GBGT1: variants seen among roughly 807,000 people sequenced by gnomAD.
The protein encoded by GBGT1 is globoside alpha-1,3-N-acetylgalactosaminyltransferase 1 (FORS blood group), also known as globoside alpha-1,3-N-acetylgalactosaminyltransferase 1.
A neutral mutation model predicts 20.9 loss-of-function variants in GBGT1; 18 were observed. The ratio of observed to expected loss-of-function variants is 0.86; its 90% CI spans 0.60 to 1.28. The LOEUF (loss-of-function observed/expected upper bound fraction) is 1.28, where lower values mean the gene tolerates loss of function less well. Ranked by LOEUF, GBGT1 falls within the 50% of genes most tolerant of loss-of-function variation. The pLI is 0.00. For synonymous variants in GBGT1, 168 were observed against 180.8 expected (o/e 0.93, Z 0.57); for missense variants, 432 against 455.7 (o/e 0.95, Z 0.47).
At chr9:133,163,466 G>A (rs1159243303) in intron 1 of GBGT1, 1 of 152,386 alleles carries the variant, frequency 6.6e-6, no homozygotes, top group Non-Finnish European at 1.5e-5. Flanking sequence ...CGGGGTCCTG[G>A]GGATTAGGCC....
In GBGT1 at chr9:133,154,820, G is replaced by A. The variant is rs1832821833; in HGVS notation, c.359+358C>T. On this transcript the variant is annotated intron_variant, in intron 6 of 6. Transcript: ENST00000372040. This position sits in a 1 kb window ranked among gnomAD's most constrained non-coding sequence, Gnocchi z 4.2. Reference sequence around the variant, plus strand: ...CAGGAAGGAGTCCCAGAGGCCCAGAGGAAGGCTGCCAAGCGGCAGCTCCTA... The same window carrying A: ...CAGGAAGGAGTCCCAGAGGCCCAGAAGAAGGCTGCCAAGCGGCAGCTCCTA... The A allele has an allele frequency of 4.6e-6, 1 of 217,330 alleles. No individual in the cohort carries two copies. The highest frequency in any genetic ancestry group is 9.1e-6 in the Non-Finnish European group (1 of 109,864). 13.5% of individuals were successfully genotyped at this position (217,330 alleles called of 1,614,324 possible). A position where few individuals can be genotyped will look rare whatever the true frequency, so the allele number is the denominator to read the frequency against.
At chr9:133,157,071 C>T (rs1455094206) in intron 3 of GBGT1, among the ~76,000 whole-genome samples, 6 of 152,072 alleles carry the variant, frequency 3.9e-5, no homozygotes, top group African/African-American at 1.2e-4. Flanking sequence ...AGCGCTTGAG[C>T]CCAGTAGTTC....
In GBGT1 at chr9:133,155,317, C is replaced by T; in HGVS notation, c.225-5G>A. 2 of 1,613,836 alleles carry T rather than the reference C, an allele frequency of 1.2e-6. No homozygotes were observed. Among genetic ancestry groups the T allele is most frequent in the Non-Finnish European group, 1.7e-6 (2 of 1,179,956 alleles). On this transcript the variant is annotated splice_region_variant and splice_polypyrimidine_tract_variant and intron_variant, in intron 5 of 6. Transcript: ENST00000372040. ...AGTGTCAGCAGCTGTGTGGGCCTGG[C>T]AGCAGGGGGGCCGTGGGCACTGAGA... is the stretch of plus-strand genomic sequence containing the variant.
In GBGT1 at chr9:133,154,499, T is replaced by C; in HGVS notation, c.360-238A>G. On this transcript the variant is annotated intron_variant, in intron 6 of 6. Transcript: ENST00000372040. This position sits in a 1 kb window ranked among gnomAD's most constrained non-coding sequence, Gnocchi z 4.2. ...TTATGCTCCTAGGCCAGGTGAACTT[T>C]TACTGAGCAATTTCTAAGTGCCCAG... is the stretch of plus-strand genomic sequence containing the variant. The C allele has an allele frequency of 2.5e-6, 1 of 392,294 alleles. No homozygotes were observed. The highest frequency in any genetic ancestry group is 4.5e-6 in the Non-Finnish European group (1 of 220,346). 24.3% of individuals were successfully genotyped at this position (392,294 alleles called of 1,614,324 possible).
chr9:133,159,441 G>A (rs937836557), intron 3 of GBGT1, among the ~76,000 whole-genome samples: 6 of 152,152 alleles, frequency 3.9e-5, no homozygotes, highest in African/African-American at 1.2e-4. Flanking sequence ...CCCTGGCAGC[G>A]AGCTCCTCTT....
At chr9:133,156,442 A>ACAAGGCCAGGAGTT (rs1488231742) in intron 3 of GBGT1, among the ~76,000 whole-genome samples, 2 of 152,158 alleles carry the variant, frequency 1.3e-5, no homozygotes, top group East Asian at 3.9e-4. Context: ...CGGGTGGATC[A>ACAAGGCCAGGAGTT]CAAGGCCAGG....
Position 133,163,544 on chromosome 9 carries a change from T to C in GBGT1, c.-121+210A>G, listed in dbSNP as rs10901238. On this transcript the variant is annotated intron_variant, in intron 1 of 6. Coordinates refer to ENST00000372040, the MANE Select transcript of GBGT1 (RefSeq NM_021996.6). ...TCCTCTGGGGCCTCAGTTTCCCCACTCGGGCCTCCAAGCCCCGTCTCGCCC... is the reference window on the plus strand; with the variant it reads ...TCCTCTGGGGCCTCAGTTTCCCCACCCGGGCCTCCAAGCCCCGTCTCGCCC... 0.25 allele frequency: 37,534 copies of C among 152,724 alleles called. 5,203 individuals carry two copies. The highest frequency in any genetic ancestry group is 0.55 in the East Asian group (2,855 of 5,150). The allele number at this position is 152,724 out of a possible 1,614,324, so 9.5% of individuals were successfully genotyped here. A position where few individuals can be genotyped will look rare whatever the true frequency, so the allele number is the denominator to read the frequency against.
In GBGT1 at chr9:133,153,620, C is replaced by A; in HGVS notation, c.1001G>T (p.Arg334Leu). The A allele has an allele frequency of 6.3e-7, 1 of 1,589,660 alleles. No homozygotes were observed. The highest frequency in any genetic ancestry group is 1.1e-5 in the South Asian group (1 of 87,278). Residue 334 changes from arginine to leucine, a missense_variant, in exon 7 of 7, where the codon CGC becomes CTC. Coordinates refer to ENST00000372040, the MANE Select transcript of GBGT1 (RefSeq NM_021996.6). ...KPQPPSLKLI[R>L]FSTLDKDISC... is the part of the protein sequence containing the mutation. ...GATATCCTTGTCCAGTGTAGAAAAG[C>A]GGATCAGCTTCAGGCTGGGTGGCTG...
chr9:133,156,118 C>T lies in GBGT1; in HGVS notation c.138-53G>A, dbSNP rs769567147. ...CATCATGGGTCTGGGGACAGAGACA[C>T]TCAGCACAGGAAGAAGGAGGAGTCA... On this transcript the variant is annotated intron_variant, in intron 3 of 6. Transcript: ENST00000372040. The T allele has an allele frequency of 1.9e-6, 3 of 1,603,368 alleles. No individual in the cohort carries two copies. In the Admixed American group the frequency reaches 5.1e-5, roughly 27 times the overall value.
In GBGT1 at chr9:133,155,189, A is replaced by C; in HGVS notation, c.348T>G (p.Phe116Leu). The C allele has an allele frequency of 6.2e-7, 1 of 1,613,912 alleles. No homozygotes were observed. The highest frequency in any genetic ancestry group is 8.5e-7 in the Non-Finnish European group (1 of 1,179,872). The change falls in exon 6 of 7, where the codon TTT becomes TTG. Residue 116 changes from phenylalanine to leucine, a missense_variant. Phe to Leu is a conservative substitution (Grantham distance 22). Transcript: ENST00000372040. Reference protein sequence around the residue: ...PLNLTIGVTVFAVGKYTHFIQ... With the variant: ...PLNLTIGVTVLAVGKYTHFIQ... ...AGCCCACTACTCACTTCCCCACGGC[A>C]AACACCGTGACCCCAATGGTCAGGT...
In GBGT1 at chr9:133,162,389, C is replaced by G. The variant is rs757294041; in HGVS notation, c.24G>C (p.Leu8=). 5.0e-6 allele frequency: 8 copies of G among 1,610,322 alleles called. No individual in the cohort carries two copies. The East Asian group carries it at 1.8e-4, about 36-fold the overall frequency. MHRRRLA[L]GLGFCLLAGT... ...CCGCCAACAGGCAGAACCCCAGACC[C>G]AGGGCCAGTCTCCGGCGATGCATTG... Residue 8 remains leucine (L), a synonymous_variant, in exon 2 of 7, where the codon CTG becomes CTC. Transcript: ENST00000372040.
Position 133,153,680 on chromosome 9 carries a change from A to G in GBGT1, c.941T>C (p.Leu314Pro). 1 of 1,613,714 alleles carries G rather than the reference A, an allele frequency of 6.2e-7. No homozygotes were observed. The highest frequency in any genetic ancestry group is 8.5e-7 in the Non-Finnish European group (1 of 1,179,834). The change falls in exon 7 of 7, where the codon CTG becomes CCG. Residue 314 changes from leucine (L) to proline (P), a missense_variant. Transcript: ENST00000372040. ...GTCGTCCCAGAGGTACTCGGGGGAC[A>G]GCACCTTGGACGGCTTGTTTGAGAT... ...HFISNKPSKV[L>P]SPEYLWDDRK...
chr9:133,162,095 GGAGTCCTGGGTGGGGATAGAGACAGGGA>G, intron 2 of GBGT1, among the ~76,000 whole-genome samples: 1 of 151,338 alleles, frequency 6.6e-6, no homozygotes, highest in East Asian at 2.0e-4. Flanking sequence ...AGAGACAGGG[GGAGTCCTGGGTGGGGATAGAGACAGGGA>G]GAGTCCTGGG....
chr9:133,161,984 G>A (rs1833062877), intron 2 of GBGT1, among the ~76,000 whole-genome samples: 1 of 152,160 alleles, frequency 6.6e-6, no homozygotes. Flanking sequence ...GGAGACACTA[G>A]TTGGGTCTTG....
chr9:133,161,556 A>T (rs1377512682), intron 2 of GBGT1, 24 bp from the exon 3 acceptor site: 5 of 1,562,208 alleles, frequency 3.2e-6, no homozygotes, highest in Non-Finnish European at 4.4e-6. Flanking sequence ...AAAGAAAAAA[A>T]ATCTGTTGAT....
chr9:133,160,948 T>G (rs1833022039), intron 3 of GBGT1: 1 of 303,668 alleles, frequency 3.3e-6, no homozygotes, highest in Non-Finnish European at 6.0e-6. Context: ...AGGTGGAGGT[T>G]GCTGTGAGCC....
chr9:133,156,821 G>C (rs1014441761), intron 3 of GBGT1, among the ~76,000 whole-genome samples: 42 of 152,234 alleles, frequency 2.8e-4, no homozygotes, highest in African/African-American at 9.9e-4. Flanking sequence ...ACCACCCCCG[G>C]CTGATTTTTT....
chr9:133,156,697 A>G (rs2119309144), intron 3 of GBGT1, among the ~76,000 whole-genome samples: 1 of 151,356 alleles, frequency 6.6e-6, no homozygotes, highest in South Asian at 2.1e-4. Context: ...AGGCCTGGTG[A>G]CTGGGACCTC....
chr9:133,161,530 A>T lies in GBGT1; in HGVS notation c.74T>A (p.Val25Glu), dbSNP rs1399843841. The T allele has an allele frequency of 6.2e-7, 1 of 1,603,904 alleles. No individual in the cohort carries two copies. Among genetic ancestry groups the T allele is most frequent in the Non-Finnish European group, 8.5e-7 (1 of 1,174,764 alleles). ...GACTGGCAGCCAGTTCTCAAGATAC[A>T]CCCTGTGAATAAAAAAAAGAAAAAA... ...LAGTSLSVLW[V>E]YLENWLPVSY... The change falls in exon 3 of 7, where the codon GTG (valine) becomes GAG (glutamate). Residue 25 changes from valine to glutamate, a missense_variant and splice_region_variant. By Grantham distance (121) the Val-to-Glu change is moderately radical. Transcript: ENST00000372040.
Sources: gnomAD v4.1 joint callset for allele counts (sites outside exome capture counted in the v4.1 genomes callset) on GRCh38, gnomAD v4.1.1 for gene constraint, Gnocchi (gnomAD v3.1) non-coding constraint, MANE v1.5 for transcripts, NCBI Gene and HGNC (gene_info 2026-07-23, HGNC 2026-07-21) for gene names.